Variants in MPRIP observed in about 807,000 individuals in gnomAD.
MPRIP encodes the protein myosin phosphatase Rho-interacting protein.
A neutral mutation model predicts 234.9 loss-of-function variants in MPRIP; 59 were observed. That is an observed-to-expected ratio of 0.25 (90% CI 0.20 to 0.31). The LOEUF is 0.31. MPRIP is among the 10% of genes least tolerant of loss of function. MPRIP has a pLI of 1.00. For synonymous variants in MPRIP, 1,144 were observed against 1,263.9 expected, an observed-to-expected ratio of 0.91 and a Z score of 2.01; for missense variants, 2,436 against 3,071.0, an observed-to-expected ratio of 0.79 and a Z score of 4.89.
At position 17,167,146 on chromosome 17, in the gene MPRIP, C is replaced by T. The variant is rs2046017871; in HGVS notation, c.5555C>T (p.Ser1852Phe). 5.4e-6 allele frequency: 7 copies of T among 1,304,102 alleles called. No individual in the cohort carries two copies. Among genetic ancestry groups the T allele is most frequent in the Middle Eastern group, 2.1e-4 (1 of 4,698 alleles). 80.8% of individuals were successfully genotyped at this position (1,304,102 alleles called of 1,614,324 possible). Residue 1852 changes from serine (S) to phenylalanine (F), a missense_variant, in exon 16 of 24, where the codon TCC becomes TTC. Ser to Phe is a radical substitution (Grantham distance 155). Around this residue, in one of 4 missense-constraint regions of MPRIP, gnomAD observed 1,998 missense variants for 2,520.3 expected, o/e 0.79. Transcript: ENST00000651222. The surrounding 1 kb of genome is among the most constrained non-coding windows in gnomAD (Gnocchi z 5.9). ...AIIQAQVCYASCRIRLEYEKE... is the reference protein window; with the variant it reads ...AIIQAQVCYAFCRIRLEYEKE... ...ATTCAGGCCCAGGTTTGCTATGCGT[C>T]CTGCAGAATCCGGCTAGAATATGAG...
intron 3 of MPRIP, among the ~76,000 whole-genome samples, chr17:17,112,005 G>A (rs998008858): frequency 1.3e-5 from 2 of 152,148 alleles, no homozygotes; most frequent in South Asian, 2.1e-4. Flanking sequence ...ACAGTCGTCG[G>A]CACCCCACAG....
intron 16 of MPRIP, chr17:17,171,463 G>A: frequency 2.4e-6 from 1 of 412,134 alleles, no homozygotes; most frequent in African/African-American, 2.0e-5. Flanking sequence ...GGAAGAAATG[G>A]GGCACAGTAC....
At chr17:17,154,164 A>G (rs2045673375) in intron 12 of MPRIP, 142 bp from the exon 13 acceptor site, 2 of 659,558 alleles carry the variant, frequency 3.0e-6, no homozygotes, top group East Asian at 2.8e-5. Context: ...TAGTGGGCAC[A>G]TGTGGCACTC....
chr17:17,159,278 G>A lies in MPRIP; in HGVS notation c.2400+276G>A, dbSNP rs144792254. ...GGCCCCTGCCATTGAGAGGCAAGCGGCGTTGCAGGGCCTAGATGGTTTCCT... is the reference window on the plus strand; with the variant it reads ...GGCCCCTGCCATTGAGAGGCAAGCGACGTTGCAGGGCCTAGATGGTTTCCT... On this transcript the variant is annotated intron_variant, in intron 14 of 23. Coordinates refer to ENST00000651222, the MANE Select transcript of MPRIP (RefSeq NM_001364716.4). Among the ~76,000 whole-genome samples, 569 of 152,388 alleles carry A rather than the reference G, an allele frequency of 3.7e-3. 1 individual carries two copies. The highest frequency in any genetic ancestry group is 0.013 in the African/African-American group (526 of 41,590).
intron 3 of MPRIP, 102 bp from the exon 4 acceptor site, chr17:17,126,600 A>G: frequency 2.2e-6 from 3 of 1,341,750 alleles, no homozygotes; most frequent in Non-Finnish European, 3.1e-6. Flanking sequence ...GAGCACTCCT[A>G]GAGGCCCCAC....
intron 3 of MPRIP, among the ~76,000 whole-genome samples, chr17:17,106,623 T>G (rs1336968531): frequency 6.6e-6 from 1 of 152,186 alleles, no homozygotes; most frequent in African/African-American, 2.4e-5. Flanking sequence ...CCAGGCCTGC[T>G]GGAGAGATCC....
intron 13 of MPRIP, 59 bp downstream of exon 13, chr17:17,154,474 AG>A: frequency 1.4e-6 from 2 of 1,451,144 alleles, no homozygotes; most frequent in Non-Finnish European, 9.7e-7. Flanking sequence ...CACTCCCGCC[AG>A]GGCAGTGTCA....
intron 1 of MPRIP, chr17:17,057,926 A>G (rs1321661818): frequency 2.0e-6 from 1 of 507,674 alleles, no homozygotes; most frequent in East Asian, 3.2e-5. Flanking sequence ...TATAAATCTA[A>G]ATAATAAAAA....
intron 1 of MPRIP, 141 bp from the exon 2 acceptor site, chr17:17,075,569 G>A (rs2089308171): frequency 8.4e-6 from 6 of 716,564 alleles, no homozygotes; most frequent in Admixed American, 2.2e-5. Context: ...AGCTGCAGAC[G>A]CACCGCAGTG....
intron 4 of MPRIP, among the ~76,000 whole-genome samples, chr17:17,128,564 G>A (rs2090537305): frequency 6.6e-6 from 1 of 152,272 alleles, no homozygotes; most frequent in African/African-American, 2.4e-5. Flanking sequence ...AAGGTACCGG[G>A]TGCACATGCC....
chr17:17,123,109 T>C (rs1252677805), intron 3 of MPRIP, among the ~76,000 whole-genome samples: 1 of 152,250 alleles, frequency 6.6e-6, no homozygotes, highest in Admixed American at 6.5e-5. Flanking sequence ...CTTGAAAATA[T>C]GCTAAATGGA....
chr17:17,079,990 A>G (rs113085706), intron 3 of MPRIP, among the ~76,000 whole-genome samples: 13,403 of 152,250 alleles, frequency 0.088, 749 homozygotes, highest in Middle Eastern at 0.17. Flanking sequence ...CAGAGGTGGG[A>G]CTGTGCCAGG....
At chr17:17,045,910 A>G (rs1042975714) in intron 1 of MPRIP, among the ~76,000 whole-genome samples, 2 of 149,364 alleles carry the variant, frequency 1.3e-5, no homozygotes, top group African/African-American at 5.0e-5. Context: ...GGTTCATGCC[A>G]TTCTTCTGCC....
At chr17:17,114,989 C>T (rs1278191827) in intron 3 of MPRIP, among the ~76,000 whole-genome samples, 3 of 152,266 alleles carry the variant, frequency 2.0e-5, no homozygotes, top group African/African-American at 4.8e-5. Flanking sequence ...AAGCCCTGAA[C>T]GGGTCATTTC....
intron 1 of MPRIP, among the ~76,000 whole-genome samples, chr17:17,073,354 C>T (rs534646487): frequency 2.6e-5 from 4 of 152,186 alleles, no homozygotes; most frequent in Non-Finnish European, 2.9e-5. Context: ...GCCATGCACA[C>T]GGGGTTCCTG....
chr17:17,124,379 T>G (rs1294169807), intron 3 of MPRIP, among the ~76,000 whole-genome samples: 1 of 152,202 alleles, frequency 6.6e-6, no homozygotes, highest in African/African-American at 2.4e-5. Context: ...TGTTGATATA[T>G]TCCATCTAAC....
chr17:17,179,771 C>G (rs1317447409), intron 22 of MPRIP, among the ~76,000 whole-genome samples: 1 of 152,222 alleles, frequency 6.6e-6, no homozygotes, highest in African/African-American at 2.4e-5. Flanking sequence ...GCAGGAAGCC[C>G]TGGCGGGGCC....
At position 17,149,953 on chromosome 17, in the gene MPRIP, C is replaced by A. The variant is rs1597464215; in HGVS notation, c.1630-191C>A. 8 of 538,580 alleles carry A rather than the reference C, an allele frequency of 1.5e-5. No homozygotes were observed. The South Asian group carries it at 1.6e-4, about 11-fold the overall frequency. The allele number at this position is 538,580 out of a possible 1,614,324, so 33.4% of individuals were successfully genotyped here. On this transcript the variant is annotated intron_variant, in intron 11 of 23. Transcript: ENST00000651222. Reference sequence around the variant, plus strand: ...GACTATCTTTGGCTGGATACAGGGACAGATGGTGGTGTGATTGCACCCAGT... The same window carrying A: ...GACTATCTTTGGCTGGATACAGGGAAAGATGGTGGTGTGATTGCACCCAGT...
At chr17:17,159,778 A>G (rs551456920) in intron 14 of MPRIP, among the ~76,000 whole-genome samples, 46 of 152,330 alleles carry the variant, frequency 3.0e-4, no homozygotes, top group Non-Finnish European at 6.5e-4. Context: ...ATTTAGGGAC[A>G]GTTTTCAACA....
Sources: gnomAD v4.1 joint callset for allele counts (sites outside exome capture counted in the v4.1 genomes callset) on GRCh38, gnomAD v4.1.1 for gene constraint, gnomAD v4.1.1 regional missense constraint, Gnocchi (gnomAD v3.1) non-coding constraint, MANE v1.5 for transcripts, NCBI Gene and HGNC (gene_info 2026-07-23, HGNC 2026-07-21) for gene names.